LMBR1: variants seen among roughly 807,000 people sequenced by gnomAD.
LMBR1 encodes the protein limb development membrane protein 1.
LMBR1 carries 52 observed loss-of-function variants against 73.9 expected under a neutral mutation model. The ratio of observed to expected loss-of-function variants is 0.70; its 90% CI spans 0.56 to 0.89. LMBR1 has a LOEUF of 0.89. LMBR1 is among the 40% of genes least tolerant of loss of function. LMBR1 has a pLI of 0.00. For missense variants in LMBR1, 539 were observed against 579.8 expected, an observed-to-expected ratio of 0.93 and a Z score of 0.72; for synonymous variants, 215 against 209.4, an observed-to-expected ratio of 1.03 and a Z score of -0.23.
At position 156,696,725 on chromosome 7, in the gene LMBR1, C is replaced by G. The variant is rs114665930; in HGVS notation, c.1226-8534G>C. On this transcript the variant is annotated intron_variant, in intron 15 of 16. Transcript: ENST00000353442. The stretch of plus-strand genomic sequence containing the variant: ...ACCTCCCACTGAATCCCTCCCACAG[C>G]ATGTGAGAATTCAAGATGAAATTTG... Among the ~76,000 whole-genome samples the G allele has an allele frequency of 1.3e-3, 195 of 152,328 alleles. 2 individuals carry two copies. Among genetic ancestry groups the G allele is most frequent in the African/African-American group, 4.6e-3 (192 of 41,570 alleles).
At chr7:156,719,312 C>T (rs1317157393) in intron 15 of LMBR1, among the ~76,000 whole-genome samples, 1 of 152,064 alleles carries the variant, frequency 6.6e-6, no homozygotes. Flanking sequence ...GACATGAACT[C>T]ATCATTTCTT....
At chr7:156,749,466 G>A (rs554518403) in intron 9 of LMBR1, among the ~76,000 whole-genome samples, 2 of 152,018 alleles carry the variant, frequency 1.3e-5, no homozygotes, top group Non-Finnish European at 2.9e-5. Context: ...AATTCAACTT[G>A]GTTATAAACA....
intron 5 of LMBR1, among the ~76,000 whole-genome samples, chr7:156,774,289 G>A (rs1359622157): frequency 6.6e-6 from 1 of 152,240 alleles, no homozygotes; most frequent in East Asian, 1.9e-4. Flanking sequence ...GTTCAGCCAT[G>A]TGGAAAGCAG....
chr7:156,805,182 T>C (rs1563406053), intron 4 of LMBR1, among the ~76,000 whole-genome samples: 1 of 152,032 alleles, frequency 6.6e-6, no homozygotes. Context: ...TTCTGCTGAT[T>C]TGATCTGTTT....
At chr7:156,731,064 A>C (rs1203834937) in intron 10 of LMBR1, among the ~76,000 whole-genome samples, 1 of 152,226 alleles carries the variant, frequency 6.6e-6, no homozygotes, top group African/African-American at 2.4e-5. Flanking sequence ...TCAATAAAAT[A>C]AGTGATAAAT....
chr7:156,754,213 T>A (rs1266952601), intron 9 of LMBR1, among the ~76,000 whole-genome samples: 1 of 152,202 alleles, frequency 6.6e-6, no homozygotes, highest in Non-Finnish European at 1.5e-5. Context: ...TCCCAATAGC[T>A]TTATGCCTAC....
At chr7:156,708,654 G>C (rs948808337) in intron 15 of LMBR1, among the ~76,000 whole-genome samples, 1 of 152,156 alleles carries the variant, frequency 6.6e-6, no homozygotes, top group Non-Finnish European at 1.5e-5. Context: ...AATTTCTTGA[G>C]CAAATTTTCT....
chr7:156,726,106 T>C lies in LMBR1; in HGVS notation c.994-269A>G, dbSNP rs186300727. On this transcript the variant is annotated intron_variant, in intron 12 of 16. Coordinates refer to ENST00000353442, the MANE Select transcript of LMBR1 (RefSeq NM_022458.4). ...ACTTGTCAAGATGACATGATTATGC[T>C]TACTGTTATAAAATGGGGCAACTTG... 2.4e-5 allele frequency: 8 copies of C among 326,678 alleles called. No homozygotes were observed. In the East Asian group the frequency reaches 4.2e-4, roughly 17 times the overall value. The allele number at this position is 326,678 out of a possible 1,614,324, so 20.2% of individuals were successfully genotyped here.
chr7:156,694,821 T>C (rs1275654142), intron 15 of LMBR1, among the ~76,000 whole-genome samples: 1 of 152,142 alleles, frequency 6.6e-6, no homozygotes, highest in East Asian at 1.9e-4. Context: ...CTACTTGTAA[T>C]AGCATCAAAA....
At chr7:156,730,279 T>C (rs532641112) in intron 10 of LMBR1, among the ~76,000 whole-genome samples, 84 of 152,304 alleles carry the variant, frequency 5.5e-4, no homozygotes, top group Non-Finnish European at 1.1e-3. Context: ...AACAGAAAGA[T>C]GCAACTATGA....
chr7:156,879,681 A>G (rs980093833), intron 1 of LMBR1, among the ~76,000 whole-genome samples: 3 of 151,126 alleles, frequency 2.0e-5, no homozygotes, highest in Non-Finnish European at 4.4e-5. Flanking sequence ...AAAAAAAAAA[A>G]GTGGGCTAAG....
In LMBR1 at chr7:156,682,603, G is replaced by A. The variant is rs531515152; in HGVS notation, c.*1475C>T. 1 of 152,254 alleles carries A rather than the reference G, an allele frequency of 6.6e-6. No individual in the cohort carries two copies. The highest frequency in any genetic ancestry group is 2.1e-4 in the South Asian group (1 of 4,830). 9.4% of individuals were successfully genotyped at this position (152,254 alleles called of 1,614,324 possible). A position where few individuals can be genotyped will look rare whatever the true frequency, so the allele number is the denominator to read the frequency against. On this transcript the variant is annotated 3_prime_UTR_variant, in exon 17 of 17. Coordinates refer to ENST00000353442, the MANE Select transcript of LMBR1 (RefSeq NM_022458.4). ...AAAGATGTGAAGCTCGGAAGGAAAT[G>A]CAGACGTATAAATAAGGGGGAAGTG...
At chr7:156,867,000 G>A (rs953129434) in intron 1 of LMBR1, among the ~76,000 whole-genome samples, 1 of 152,118 alleles carries the variant, frequency 6.6e-6, no homozygotes, top group Non-Finnish European at 1.5e-5. Flanking sequence ...TGTTTGGGTC[G>A]GATGTAAGTG....
Position 156,798,235 on chromosome 7 carries a change from C to A in LMBR1, c.320-1743G>T, listed in dbSNP as rs1373815579. Reference sequence around the variant, plus strand: ...GCATTAAATAATGCACGTACAACAACTGACACAATGCCTGTCATAAAATAA... The same window carrying A: ...GCATTAAATAATGCACGTACAACAAATGACACAATGCCTGTCATAAAATAA... On this transcript the variant is annotated intron_variant, in intron 4 of 16. Transcript: ENST00000353442. Among the ~76,000 whole-genome samples, 3 of 152,166 alleles carry A rather than the reference C, an allele frequency of 2.0e-5. No homozygotes were observed. In the East Asian group the frequency reaches 5.8e-4, roughly 29 times the overall value.
At position 156,836,846 on chromosome 7, in the gene LMBR1, A is replaced by G; in HGVS notation, c.106T>C (p.Tyr36His). The change falls in exon 2 of 17, where the codon TAC becomes CAC. Residue 36 changes from tyrosine (Y) to histidine (H), a missense_variant. By Grantham distance (83) the Tyr-to-His change is moderately conservative. Transcript: ENST00000353442. ...CTCTTGTATCTTGTGATGATGAAGTAGGAAACAACGTAGAGAATGGCAAAA... is the reference window on the plus strand; with the variant it reads ...CTCTTGTATCTTGTGATGATGAAGTGGGAAACAACGTAGAGAATGGCAAAA... The part of the protein sequence containing the change: ...LLFAILYVVS[Y>H]FIITRYKRKS... The G allele has an allele frequency of 6.3e-7, 1 of 1,581,722 alleles. No homozygotes were observed. The highest frequency in any genetic ancestry group is 1.3e-5 in the African/African-American group (1 of 74,282).
Position 156,669,619 on chromosome 7 carries a change from G to A in LMBR1, n.867-332C>T, listed in dbSNP as rs1321880102. Reference sequence around the variant, plus strand: ...CTGAGCAGATAGGTCATTTTCAAGAGGGCGACCCACAGCCACGTGAACACT... The same window carrying A: ...CTGAGCAGATAGGTCATTTTCAAGAAGGCGACCCACAGCCACGTGAACACT... On this transcript the variant is annotated intron_variant and non_coding_transcript_variant, in intron 4 of 4. Transcript: ENST00000430825. The surrounding 1 kb of genome is among the most constrained non-coding windows in gnomAD (Gnocchi z 4.2). Among the ~76,000 whole-genome samples the A allele has an allele frequency of 6.6e-6, 1 of 152,178 alleles. No individual in the cohort carries two copies. Among genetic ancestry groups the A allele is most frequent in the African/African-American group, 2.4e-5 (1 of 41,452 alleles).
chr7:156,832,942 G>A (rs190206394), intron 3 of LMBR1, among the ~76,000 whole-genome samples: 9 of 152,316 alleles, frequency 5.9e-5, no homozygotes, highest in African/African-American at 1.4e-4. Flanking sequence ...ACTACAGAAA[G>A]GACATTATTG....
At chr7:156,734,088 C>T (rs1817389564) in intron 10 of LMBR1, 89 bp downstream of exon 10, 1 of 726,362 alleles carries the variant, frequency 1.4e-6, no homozygotes, top group African/African-American at 1.8e-5. Flanking sequence ...ATAAAGATTT[C>T]ATAAATTTTC....
At chr7:156,762,339 T>C in intron 7 of LMBR1, 141 bp from the exon 8 acceptor site, 1 of 610,640 alleles carries the variant, frequency 1.6e-6, no homozygotes, top group Non-Finnish European at 3.0e-6. Flanking sequence ...AGATTGTCAG[T>C]GTTTTGTCAG....
Sources: allele counts gnomAD v4.1 joint callset (sites outside exome capture counted in the v4.1 genomes callset), GRCh38; gene constraint gnomAD v4.1.1; non-coding constraint Gnocchi (gnomAD v3.1); transcripts MANE v1.5; gene names NCBI Gene and HGNC (gene_info 2026-07-23, HGNC 2026-07-21).